Variants in RALGAPA1 observed in about 807,000 individuals in gnomAD.
RALGAPA1 encodes the protein ral GTPase-activating protein subunit alpha-1.
Under a neutral mutation model 269.6 loss-of-function variants are expected in RALGAPA1, and 52 were observed. The ratio of observed to expected loss-of-function variants is 0.19; its 90% CI spans 0.15 to 0.24. The LOEUF (loss-of-function observed/expected upper bound fraction) is 0.24. Ranked by LOEUF, RALGAPA1 falls within the 10% of genes least tolerant of loss-of-function variation. The probability of loss-of-function intolerance (pLI) is 1.00; values close to 1 mark genes in which losing one functional copy is unlikely to be tolerated. For missense variants in RALGAPA1, 1,917 were observed against 3,013.9 expected (o/e 0.64, Z 8.52); for synonymous variants, 817 against 1,008.3 (o/e 0.81, Z 3.60).
chr14:35,671,276 A>G (rs568246276), intron 26 of RALGAPA1, 113 bp downstream of exon 26: 1 of 863,706 alleles, frequency 1.2e-6, no homozygotes, highest in South Asian at 2.9e-5. Context: ...GAAGCAATCA[A>G]TTCCAATTAA....
At chr14:35,741,783 G>C (rs1160827262) in intron 11 of RALGAPA1, among the ~76,000 whole-genome samples, 2 of 152,136 alleles carry the variant, frequency 1.3e-5, no homozygotes, top group East Asian at 3.8e-4. Flanking sequence ...GGAATAAATG[G>C]AACCCCAGGA....
At chr14:35,802,852 T>C (rs2077078707) in intron 1 of RALGAPA1, among the ~76,000 whole-genome samples, 1 of 151,694 alleles carries the variant, frequency 6.6e-6, no homozygotes, top group Non-Finnish European at 1.5e-5. Flanking sequence ...CAGCTATTTC[T>C]TTTTTTTCTC....
At chr14:35,726,326 C>A (rs1182759901) in intron 13 of RALGAPA1, among the ~76,000 whole-genome samples, 1 of 152,216 alleles carries the variant, frequency 6.6e-6, no homozygotes, top group African/African-American at 2.4e-5. Flanking sequence ...CCTTATGCTT[C>A]TAGCTTAGCT....
chr14:35,547,969 T>G (rs1029987811), intron 41 of RALGAPA1, among the ~76,000 whole-genome samples: 1 of 150,494 alleles, frequency 6.6e-6, no homozygotes, highest in African/African-American at 2.5e-5. Context: ...TTGAATTTAT[T>G]TAATATAAAG....
At position 35,643,487 on chromosome 14, in the gene RALGAPA1, A is replaced by T. The variant is rs189024968; in HGVS notation, c.5677-7889T>A. Among the ~76,000 whole-genome samples the T allele has an allele frequency of 3.3e-5, 5 of 152,282 alleles. No individual in the cohort carries two copies. In the East Asian group the frequency reaches 9.6e-4, roughly 29 times the overall value. The stretch of plus-strand genomic sequence containing the variant: ...AGAACAGTTTCGAGGTTCCTCAAAA[A>T]ACTAACAAAGATAACTACTATATGA... On this transcript the variant is annotated intron_variant, in intron 31 of 41. Transcript: ENST00000680220.
At position 35,654,614 on chromosome 14, in the gene RALGAPA1, T is replaced by C. The variant is rs888649848; in HGVS notation, c.5497-137A>G. 98 of 1,067,424 alleles carry C rather than the reference T, an allele frequency of 9.2e-5. No homozygotes were observed. The South Asian group carries it at 1.1e-3, about 13-fold the overall frequency. 66.1% of individuals were successfully genotyped at this position (1,067,424 alleles called of 1,614,324 possible). A position where few individuals can be genotyped will look rare whatever the true frequency, so the allele number is the denominator to read the frequency against. On this transcript the variant is annotated intron_variant, in intron 29 of 41. Coordinates refer to ENST00000680220, the MANE Select transcript of RALGAPA1 (RefSeq NM_001346249.2). The stretch of plus-strand genomic sequence containing the variant: ...TTTATAGGTGATTAAGATAAATCTC[T>C]AGCTGCAAAATAAAAAAAATCACAA...
At chr14:35,631,618 A>G (rs1213785928) in intron 33 of RALGAPA1, among the ~76,000 whole-genome samples, 1 of 152,198 alleles carries the variant, frequency 6.6e-6, no homozygotes, top group Admixed American at 6.5e-5. Context: ...AAGAAGGGAA[A>G]GAGTATAATT....
In RALGAPA1 at chr14:35,797,620, C is replaced by A. The variant is rs192147367; in HGVS notation, c.106+11110G>T. Among the ~76,000 whole-genome samples, 262 of 151,754 alleles carry A rather than the reference C, an allele frequency of 1.7e-3. 4 individuals are homozygous for A. Among genetic ancestry groups the A allele is most frequent in the Non-Finnish European group, 4.6e-4 (31 of 67,960 alleles). Reference sequence around the variant, plus strand: ...CAGCACTTTGAGAGGCCAAGGAGGGCGGATCACCTGAGGTCTGGAGTTCGA... The same window carrying A: ...CAGCACTTTGAGAGGCCAAGGAGGGAGGATCACCTGAGGTCTGGAGTTCGA... On this transcript the variant is annotated intron_variant, in intron 1 of 41. Transcript: ENST00000680220.
intron 1 of RALGAPA1, among the ~76,000 whole-genome samples, chr14:35,793,595 AAC>A (rs33911524): frequency 1.4e-4 from 21 of 150,030 alleles, no homozygotes; most frequent in East Asian, 3.9e-4. Context: ...TACACACACA[AAC>A]ACACACACAC....
In RALGAPA1 at chr14:35,617,140, G is replaced by A. The variant is rs577803351; in HGVS notation, c.6929+8221C>T. Among the ~76,000 whole-genome samples, 106 of 152,296 alleles carry A rather than the reference G, an allele frequency of 7.0e-4. 2 individuals are homozygous for A. The South Asian group carries it at 0.021, about 31-fold the overall frequency. On this transcript the variant is annotated intron_variant, in intron 35 of 41. Coordinates refer to ENST00000680220, the MANE Select transcript of RALGAPA1 (RefSeq NM_001346249.2). Reference sequence around the variant, plus strand: ...AAGGTGAAGCATAGGAGTAGATTAAGGTAAAGCTTTCCATATAAAGTGATG... The same window carrying A: ...AAGGTGAAGCATAGGAGTAGATTAAAGTAAAGCTTTCCATATAAAGTGATG...
intron 35 of RALGAPA1, among the ~76,000 whole-genome samples, chr14:35,608,109 C>A (rs940110394): frequency 1.3e-5 from 2 of 152,086 alleles, no homozygotes; most frequent in East Asian, 3.9e-4. Flanking sequence ...TGTGCATACC[C>A]AAGGATGTAC....
At chr14:35,782,285 C>T (rs139724716) in intron 1 of RALGAPA1, among the ~76,000 whole-genome samples, 1 of 152,214 alleles carries the variant, frequency 6.6e-6, no homozygotes, top group East Asian at 1.9e-4. Context: ...GACTTGTACA[C>T]TGGAAACTAC....
intron 1 of RALGAPA1, among the ~76,000 whole-genome samples, chr14:35,780,262 T>G (rs1011407398): frequency 1.2e-4 from 19 of 152,088 alleles, no homozygotes; most frequent in Non-Finnish European, 2.6e-4. Flanking sequence ...TGAAGGAATA[T>G]ACACACAATT....
intron 1 of RALGAPA1, among the ~76,000 whole-genome samples, chr14:35,796,461 A>C (rs2076568405): frequency 6.6e-6 from 1 of 152,190 alleles, no homozygotes; most frequent in African/African-American, 2.4e-5. Context: ...GGCGGGGAGA[A>C]AGAAGGGAAA....
chr14:35,774,899 G>A, intron 3 of RALGAPA1, 107 bp downstream of exon 3: 2 of 709,630 alleles, frequency 2.8e-6, no homozygotes, highest in Non-Finnish European at 4.8e-6. Context: ...AGAAAGGCTG[G>A]CAAATTCAGA....
At chr14:35,716,397 C>CA (rs78953823) in intron 16 of RALGAPA1, among the ~76,000 whole-genome samples, 10,299 of 43,312 alleles carry the variant, frequency 0.24, 1,902 homozygotes, top group East Asian at 0.49. Context: ...GACTCCGTCT[C>CA]AAAAAAAAAA....
chr14:35,540,858 GC>G (rs1229067169), intron 41 of RALGAPA1, among the ~76,000 whole-genome samples: 1 of 152,036 alleles, frequency 6.6e-6, no homozygotes, highest in Non-Finnish European at 1.5e-5. Flanking sequence ...AGCCAATGTA[GC>G]ACCTCATTGA....
At chr14:35,745,811 A>C (rs1296023411) in intron 10 of RALGAPA1, among the ~76,000 whole-genome samples, 3 of 149,976 alleles carry the variant, frequency 2.0e-5, no homozygotes, top group Non-Finnish European at 4.4e-5. Flanking sequence ...AGGGCCAGGC[A>C]CAGTGGCTCA....
intron 27 of RALGAPA1, among the ~76,000 whole-genome samples, chr14:35,661,112 T>C (rs148630083): frequency 1.2e-4 from 18 of 152,182 alleles, no homozygotes; most frequent in African/African-American, 4.3e-4. Context: ...GCTAAGACAG[T>C]AGATCTTGGT....
Sources: allele counts gnomAD v4.1 joint callset (sites outside exome capture counted in the v4.1 genomes callset), GRCh38; gene constraint gnomAD v4.1.1; transcripts MANE v1.5; gene names NCBI Gene and HGNC (gene_info 2026-07-23, HGNC 2026-07-21).